The following CDH22 variants were observed in gnomAD, a reference collection of about 807,000 sequenced individuals.
CDH22 encodes cadherin 22.
A neutral mutation model predicts 58.4 loss-of-function variants in CDH22; 30 were observed. The ratio of observed to expected loss-of-function variants is 0.51; its 90% CI spans 0.38 to 0.70. The LOEUF is 0.70. CDH22 is among the 30% of genes least tolerant of loss of function. CDH22 has a pLI of 0.00. For missense variants in CDH22, 1,014 were observed against 1,233.9 expected (o/e 0.82, Z 2.67); for synonymous variants, 513 against 558.2 (o/e 0.92, Z 1.14).
At chr20:46,264,852 TGCACACACACACACCGTGC>T (rs1265018686) in intron 1 of CDH22, among the ~76,000 whole-genome samples, 88 of 148,194 alleles carry the variant, frequency 5.9e-4, no homozygotes, top group East Asian at 5.5e-3. Context: ...ACACACACCG[TGCACACACACACACCGTGC>T]GCACACACAC....
chr20:46,280,202 T>C (rs181430157), intron 1 of CDH22, among the ~76,000 whole-genome samples: 115 of 152,278 alleles, frequency 7.6e-4, no homozygotes, highest in South Asian at 5.0e-3. Context: ...GGCATATCAC[T>C]TGAGCTCAGG....
chr20:46,286,025 G>C (rs73295874), intron 1 of CDH22, among the ~76,000 whole-genome samples: 3,447 of 152,262 alleles, frequency 0.023, 144 homozygotes, highest in African/African-American at 0.079. Context: ...GTAGATTCTC[G>C]ATAAACATTT....
At chr20:46,215,647 T>C (rs1034716105) in intron 5 of CDH22, among the ~76,000 whole-genome samples, 1 of 152,168 alleles carries the variant, frequency 6.6e-6, no homozygotes, top group Non-Finnish European at 1.5e-5. Flanking sequence ...TTGTGTGCCA[T>C]AGTTCATGAT....
Position 46,241,143 on chromosome 20 carries a change from G to A in CDH22, c.370C>T (p.Arg124Cys), listed in dbSNP as rs779360444. 10 of 1,614,068 alleles carry A rather than the reference G, an allele frequency of 6.2e-6. No homozygotes were observed. Among genetic ancestry groups the A allele is most frequent in the East Asian group, 2.2e-5 (1 of 44,880 alleles). The change falls in exon 3 of 12, where the codon CGC becomes TGC. Residue 124 changes from arginine to cysteine, a missense_variant. This residue lies in a region of CDH22 where 806 missense variants were observed against 1,038.7 expected (regional missense o/e 0.78). Coordinates refer to ENST00000537909, the MANE Select transcript of CDH22 (RefSeq NM_021248.3). The surrounding 1 kb of genome is among the most constrained non-coding windows in gnomAD (Gnocchi z 5.2). ...AAGGTTTTCTGCTCGCGGTCCAGGC[G>A]CTCCATGGCATGAATGTCGCCTGTC... Reference protein sequence around the residue: ...ELTGDIHAMERLDREQKTFYT... With the variant: ...ELTGDIHAMECLDREQKTFYT...
intron 4 of CDH22, among the ~76,000 whole-genome samples, chr20:46,223,666 C>CTTCCTTCTTTCT (rs1827821632): frequency 1.7e-5 from 2 of 115,524 alleles, no homozygotes; most frequent in African/African-American, 3.4e-5. Context: ...TTTTTCTTTC[C>CTTCCTTCTTTCT]TTCTTTCTTT....
At chr20:46,209,988 C>T in intron 7 of CDH22, 1 of 291,492 alleles carries the variant, frequency 3.4e-6, no homozygotes, top group Non-Finnish European at 6.4e-6. Context: ...GATCAGGGAG[C>T]CAGTGTGGCT....
At chr20:46,264,146 G>C (rs560797485) in intron 1 of CDH22, among the ~76,000 whole-genome samples, 1 of 152,288 alleles carries the variant, frequency 6.6e-6, no homozygotes, top group East Asian at 1.9e-4. Context: ...GCCAGGCACT[G>C]TTCTAGCACT....
intron 1 of CDH22, among the ~76,000 whole-genome samples, chr20:46,258,796 C>T (rs2086418309): frequency 6.6e-6 from 1 of 152,222 alleles, no homozygotes; most frequent in Admixed American, 6.5e-5. Context: ...GGGACACACA[C>T]AGGAGGCAGG....
chr20:46,281,361 G>T lies in CDH22; in HGVS notation c.-400+26894C>A, dbSNP rs2086550070. On this transcript the variant is annotated intron_variant, in intron 1 of 11. Coordinates refer to ENST00000537909, the MANE Select transcript of CDH22 (RefSeq NM_021248.3). ...CTGGAGGAGGCCAGGGAAGAGTAGAGTGGCTGGACTGGATTTTGAAAGATG... is the reference window on the plus strand; with the variant it reads ...CTGGAGGAGGCCAGGGAAGAGTAGATTGGCTGGACTGGATTTTGAAAGATG... Among the ~76,000 whole-genome samples, 3 of 152,214 alleles carry T rather than the reference G, an allele frequency of 2.0e-5. 1 individual carries two copies. The South Asian group carries it at 6.2e-4, about 32-fold the overall frequency.
chr20:46,202,376 C>T (rs1206081630), intron 7 of CDH22, among the ~76,000 whole-genome samples: 1 of 144,936 alleles, frequency 6.9e-6, no homozygotes, highest in African/African-American at 2.6e-5. Context: ...TTTTTTGAGA[C>T]GGAGTCTTGC....
At chr20:46,178,810 T>C (rs932462739) in intron 10 of CDH22, among the ~76,000 whole-genome samples, 1 of 152,098 alleles carries the variant, frequency 6.6e-6, no homozygotes, top group Non-Finnish European at 1.5e-5. Context: ...CCAAGGCCAG[T>C]TGAGAGTCCT....
intron 1 of CDH22, among the ~76,000 whole-genome samples, chr20:46,266,068 G>A (rs1367879621): frequency 1.3e-5 from 2 of 152,122 alleles, no homozygotes; most frequent in African/African-American, 2.4e-5. Context: ...TTTTGGGTAT[G>A]TGGCTCCAGC....
intron 10 of CDH22, 126 bp downstream of exon 10, chr20:46,186,462 A>C: frequency 1.4e-6 from 1 of 729,072 alleles, no homozygotes; most frequent in Non-Finnish European, 2.3e-6. Context: ...CTTGGCCCAG[A>C]CTTTCCATGT....
At chr20:46,269,438 G>A (rs1007266457) in intron 1 of CDH22, among the ~76,000 whole-genome samples, 7 of 152,206 alleles carry the variant, frequency 4.6e-5, no homozygotes, top group African/African-American at 1.7e-4. Flanking sequence ...GCTAACTTTT[G>A]TCAAGTGCTT....
intron 1 of CDH22, among the ~76,000 whole-genome samples, chr20:46,271,340 T>C (rs1160503836): frequency 3.3e-5 from 5 of 152,230 alleles, no homozygotes; most frequent in Non-Finnish European, 7.3e-5. Context: ...AGAAAGCTTA[T>C]ACTATGGATT....
intron 2 of CDH22, among the ~76,000 whole-genome samples, chr20:46,249,968 C>T (rs992557133): frequency 1.3e-5 from 2 of 152,188 alleles, no homozygotes; most frequent in African/African-American, 2.4e-5. Context: ...TACTCAGTGC[C>T]TGGTGCTGAC....
chr20:46,293,499 C>T (rs534826431), intron 1 of CDH22, among the ~76,000 whole-genome samples: 1 of 151,752 alleles, frequency 6.6e-6, no homozygotes, highest in African/African-American at 2.4e-5. Flanking sequence ...ATAGGGGTGG[C>T]TGGGGGTAGG....
intron 1 of CDH22, among the ~76,000 whole-genome samples, chr20:46,271,822 T>G (rs1304970333): frequency 6.6e-6 from 1 of 152,228 alleles, no homozygotes; most frequent in African/African-American, 2.4e-5. Context: ...TCATCCATGC[T>G]GATGGTTTCC....
chr20:46,183,270 C>T (rs1034879150), intron 10 of CDH22, among the ~76,000 whole-genome samples: 10 of 152,202 alleles, frequency 6.6e-5, no homozygotes, highest in African/African-American at 2.4e-5. Context: ...TTTCCCCAGG[C>T]AGCCTCCCAA....
Sources: gnomAD v4.1 joint callset for allele counts (sites outside exome capture counted in the v4.1 genomes callset) on GRCh38, gnomAD v4.1.1 for gene constraint, gnomAD v4.1.1 regional missense constraint, Gnocchi (gnomAD v3.1) non-coding constraint, MANE v1.5 for transcripts, NCBI Gene and HGNC (gene_info 2026-07-23, HGNC 2026-07-21) for gene names.